The following TASP1 variants were observed in gnomAD, a reference collection of about 807,000 sequenced individuals.
TASP1 encodes taspase 1.
TASP1 carries 16 observed loss-of-function variants against 56.6 expected under a neutral mutation model. The observed-to-expected ratio is 0.28, with a 90% CI of 0.19 to 0.43. The LOEUF (loss-of-function observed/expected upper bound fraction) is 0.43, where lower values mean the gene tolerates loss of function less well. Ranked by LOEUF, TASP1 falls within the 20% of genes least tolerant of loss-of-function variation. The probability of loss-of-function intolerance (pLI) is 1.00; values close to 1 mark genes in which losing one functional copy is unlikely to be tolerated. For synonymous variants in TASP1, 179 were observed against 184.2 expected (o/e 0.97, Z 0.23); for missense variants, 393 against 511.6 (o/e 0.77, Z 2.24).
At chr20:13,396,213 C>T (rs1407747596) in intron 13 of TASP1, among the ~76,000 whole-genome samples, 1 of 152,154 alleles carries the variant, frequency 6.6e-6, no homozygotes, top group African/African-American at 2.4e-5. Context: ...CTACCCATCG[C>T]TTTTTAAGAG....
chr20:13,105,198 C>G, the TASP1 span, among the ~76,000 whole-genome samples: 3 of 152,132 alleles, frequency 2.0e-5, no homozygotes, highest in African/African-American at 7.2e-5. Flanking sequence ...CCAGGCCGAG[C>G]GCAGTCTTCC....
At chr20:13,534,219 T>C (rs1236770093) in intron 8 of TASP1, 78 bp from the exon 9 acceptor site, 4 of 1,525,570 alleles carry the variant, frequency 2.6e-6, no homozygotes, top group Non-Finnish European at 3.5e-6. Context: ...CACTTTTCCA[T>C]ACAATCATGA....
At chr20:13,360,804 C>T in the TASP1 span, among the ~76,000 whole-genome samples, 5 of 152,306 alleles carry the variant, frequency 3.3e-5, no homozygotes, top group African/African-American at 7.2e-5. Context: ...GACTTCAATC[C>T]GGCCTCCCAC....
At position 13,416,821 on chromosome 20, in the gene TASP1, C is replaced by T. The variant is rs576794847; in HGVS notation, c.1170+627G>A. Among the ~76,000 whole-genome samples, 210 of 152,196 alleles carry T rather than the reference C, an allele frequency of 1.4e-3. 1 individual carries two copies. The highest frequency in any genetic ancestry group is 1.9e-3 in the Non-Finnish European group (132 of 68,020). ...TTCCCAGGCTCAACCATCATGAGTC[C>T]AGGGAAGCAAAGCAACTCCGGAGAT... On this transcript the variant is annotated intron_variant, in intron 13 of 13. Coordinates refer to ENST00000337743, the MANE Select transcript of TASP1 (RefSeq NM_017714.3).
intron 4 of TASP1, among the ~76,000 whole-genome samples, chr20:13,608,497 T>C (rs6042242): frequency 0.032 from 4,939 of 152,314 alleles, 232 homozygotes; most frequent in African/African-American, 0.097. Flanking sequence ...GTGGGCCACA[T>C]AGACAATGCT....
intron 4 of TASP1, among the ~76,000 whole-genome samples, chr20:13,616,034 C>T (rs6042247): frequency 0.028 from 4,312 of 152,000 alleles, 211 homozygotes; most frequent in African/African-American, 0.096. Context: ...AGGTATAAAC[C>T]TGATGCCGCA....
intron 10 of TASP1, among the ~76,000 whole-genome samples, chr20:13,516,153 C>G (rs1253526184): frequency 1.3e-5 from 2 of 152,030 alleles, no homozygotes; most frequent in Admixed American, 1.3e-4. Flanking sequence ...ATACCAAAAA[C>G]AGCCCTGTGC....
chr20:13,327,008 G>A, the TASP1 span, among the ~76,000 whole-genome samples: 1 of 152,298 alleles, frequency 6.6e-6, no homozygotes, highest in East Asian at 1.9e-4. Context: ...AATAGGAAGA[G>A]GGGAAGTCAA....
At chr20:13,353,407 T>C in the TASP1 span, among the ~76,000 whole-genome samples, 2 of 152,236 alleles carry the variant, frequency 1.3e-5, no homozygotes, top group Admixed American at 1.3e-4. Context: ...CTCACCTTCA[T>C]TTACTTAAGT....
intron 12 of TASP1, among the ~76,000 whole-genome samples, chr20:13,424,183 GAC>G (rs762948105): frequency 1.3e-5 from 2 of 152,172 alleles, no homozygotes; most frequent in Non-Finnish European, 2.9e-5. Context: ...AATAAATAGA[GAC>G]ATTTGTGAGT....
intron 11 of TASP1, among the ~76,000 whole-genome samples, chr20:13,453,698 C>A (rs774866943): frequency 6.6e-6 from 1 of 152,034 alleles, no homozygotes; most frequent in Admixed American, 6.6e-5. Flanking sequence ...ACATACTGAA[C>A]CCCATTCTAG....
intron 9 of TASP1, among the ~76,000 whole-genome samples, chr20:13,528,747 C>A (rs1339406038): frequency 6.6e-6 from 1 of 152,106 alleles, no homozygotes; most frequent in Admixed American, 6.6e-5. Flanking sequence ...AAGCAAGTTT[C>A]TTAGTGTCAT....
At chr20:13,275,216 A>G in the TASP1 span, among the ~76,000 whole-genome samples, 5 of 151,602 alleles carry the variant, frequency 3.3e-5, no homozygotes, top group Non-Finnish European at 7.3e-5. Context: ...AAAAATAGTC[A>G]TGTAAAGGCC....
At chr20:13,498,306 A>T (rs1456867239) in intron 10 of TASP1, among the ~76,000 whole-genome samples, 1 of 151,652 alleles carries the variant, frequency 6.6e-6, no homozygotes, top group African/African-American at 2.4e-5. Flanking sequence ...GGCAAAGGAC[A>T]TGAACAAACA....
At chr20:13,371,898 CTTT>C in the TASP1 span, among the ~76,000 whole-genome samples, 3 of 151,926 alleles carry the variant, frequency 2.0e-5, no homozygotes, top group Non-Finnish European at 4.4e-5. Context: ...ATTGTATGCC[CTTT>C]TTATCTCTAG....
the TASP1 span, among the ~76,000 whole-genome samples, chr20:13,148,848 A>G: frequency 6.6e-6 from 1 of 152,250 alleles, no homozygotes; most frequent in Admixed American, 6.5e-5. Flanking sequence ...CTGAGGCTGC[A>G]GAGAACTATT....
the TASP1 span, among the ~76,000 whole-genome samples, chr20:13,112,516 G>T: frequency 6.6e-6 from 1 of 152,146 alleles, no homozygotes; most frequent in Non-Finnish European, 1.5e-5. Flanking sequence ...CCTACCCCCT[G>T]ATGGAGGATC....
intron 7 of TASP1, among the ~76,000 whole-genome samples, chr20:13,559,987 G>T (rs1229894414): frequency 6.6e-6 from 1 of 152,102 alleles, no homozygotes; most frequent in Admixed American, 6.6e-5. Context: ...ACACGTTTAT[G>T]CTCAGAGAAA....
chr20:13,517,915 T>C (rs1483455401), intron 10 of TASP1, among the ~76,000 whole-genome samples: 2 of 152,114 alleles, frequency 1.3e-5, no homozygotes, highest in African/African-American at 4.8e-5. Context: ...TTCTTAGAAA[T>C]GTGCTGGTAG....
Sources: allele counts gnomAD v4.1 joint callset (sites outside exome capture counted in the v4.1 genomes callset), GRCh38; gene constraint gnomAD v4.1.1; transcripts MANE v1.5; gene names NCBI Gene and HGNC (gene_info 2026-07-23, HGNC 2026-07-21).